Variants in MTREX observed in about 807,000 individuals in gnomAD.
MTREX encodes exosome RNA helicase MTR4.
Under a neutral mutation model 135.4 loss-of-function variants are expected in MTREX, and 76 were observed. The ratio of observed to expected loss-of-function variants is 0.56; its 90% CI spans 0.47 to 0.68. The LOEUF is 0.68. Ranked by LOEUF, MTREX falls within the 30% of genes least tolerant of loss-of-function variation. The probability of loss-of-function intolerance (pLI) is 0.00; values close to 1 mark genes in which losing one functional copy is unlikely to be tolerated. For synonymous variants in MTREX, 404 were observed against 401.6 expected (o/e 1.01, Z -0.07); for missense variants, 920 against 1,262.1 (o/e 0.73, Z 4.11).
At chr5:55,324,109 A>G (rs1749330676) in intron 2 of MTREX, 23 bp from the exon 3 acceptor site, 1 of 1,578,212 alleles carries the variant, frequency 6.3e-7, no homozygotes, top group African/African-American at 1.4e-5. Flanking sequence ...GTTTTTGTGT[A>G]ACTTTAAACA....
At chr5:55,410,985 G>C (rs754831771) in intron 23 of MTREX, among the ~76,000 whole-genome samples, 10 of 152,194 alleles carry the variant, frequency 6.6e-5, no homozygotes, top group Non-Finnish European at 1.2e-4. Flanking sequence ...AGGGGGAAGT[G>C]AGGTTGAATT....
At chr5:55,359,489 TATAGTC>T (rs1749974368) in intron 15 of MTREX, among the ~76,000 whole-genome samples, 1 of 152,186 alleles carries the variant, frequency 6.6e-6, no homozygotes, top group Non-Finnish European at 1.5e-5. Context: ...GAATTTGAGA[TATAGTC>T]ATAATGAAGC....
chr5:55,406,351 C>T (rs1234103425), intron 22 of MTREX, among the ~76,000 whole-genome samples: 2 of 152,182 alleles, frequency 1.3e-5, no homozygotes, highest in African/African-American at 4.8e-5. Context: ...GGACCTCTCT[C>T]TCTCTGTTAG....
intron 19 of MTREX, among the ~76,000 whole-genome samples, chr5:55,395,251 T>C (rs1750629016): frequency 1.3e-5 from 2 of 149,976 alleles, no homozygotes; most frequent in African/African-American, 2.5e-5. Flanking sequence ...ACTAAAAATA[T>C]AAAAATTAGT....
intron 13 of MTREX, among the ~76,000 whole-genome samples, chr5:55,352,853 G>C (rs1210247849): frequency 6.6e-6 from 1 of 152,132 alleles, no homozygotes. Context: ...AAATGTGTTC[G>C]TGTTTAGAAA....
At chr5:55,411,623 A>G (rs948399581) in intron 23 of MTREX, among the ~76,000 whole-genome samples, 5 of 152,158 alleles carry the variant, frequency 3.3e-5, no homozygotes, top group Non-Finnish European at 7.4e-5. Context: ...GTCCCTGATT[A>G]CTGATTAGAA....
chr5:55,377,125 C>T (rs765208741), intron 16 of MTREX, among the ~76,000 whole-genome samples: 4 of 151,826 alleles, frequency 2.6e-5, no homozygotes, highest in Non-Finnish European at 5.9e-5. Context: ...GTCAGGAGAT[C>T]GAGACCATCC....
chr5:55,378,613 C>A, intron 17 of MTREX, 127 bp downstream of exon 17: 1 of 1,106,654 alleles, frequency 9.0e-7, no homozygotes, highest in Non-Finnish European at 1.2e-6. Flanking sequence ...CTATATTAAT[C>A]ATATTATTTT....
chr5:55,398,823 A>T (rs1651868505), intron 20 of MTREX, among the ~76,000 whole-genome samples: 1 of 152,154 alleles, frequency 6.6e-6, no homozygotes, highest in African/African-American at 2.4e-5. Flanking sequence ...CATTAATTTC[A>T]TGATAATCTG....
At position 55,425,037 on chromosome 5, in the gene MTREX, A is replaced by G. The variant is rs1232190862; in HGVS notation, c.*265A>G. 5 of 924,218 alleles carry G rather than the reference A, an allele frequency of 5.4e-6. No individual in the cohort carries two copies. In the Admixed American group the frequency reaches 1.2e-4, roughly 23 times the overall value. The allele number at this position is 924,218 out of a possible 1,614,324, so 57.3% of individuals were successfully genotyped here. On this transcript the variant is annotated 3_prime_UTR_variant, in exon 27 of 27. Transcript: ENST00000230640. ...ATGAGTTTAGAGCTATTAGATAACC[A>G]CTGAGTTAAAGGTAACTATGTACAC...
intron 25 of MTREX, among the ~76,000 whole-genome samples, chr5:55,420,503 C>G (rs539496095): frequency 6.6e-6 from 1 of 152,232 alleles, no homozygotes; most frequent in Non-Finnish European, 1.5e-5. Context: ...CAAGGTGTTC[C>G]ATTGTAATAA....
At chr5:55,309,024 G>T (rs546232078) in intron 1 of MTREX, among the ~76,000 whole-genome samples, 1 of 152,242 alleles carries the variant, frequency 6.6e-6, no homozygotes, top group East Asian at 1.9e-4. Context: ...AACTTAAAAT[G>T]AATGATATAT....
intron 5 of MTREX, among the ~76,000 whole-genome samples, 197 bp downstream of exon 5, chr5:55,329,008 A>G (rs1348557516): frequency 1.3e-5 from 2 of 152,284 alleles, no homozygotes; most frequent in Admixed American, 6.5e-5. Context: ...TGTTCCTCAT[A>G]TTAGGAGAAA....
In MTREX at chr5:55,424,879, T is replaced by C; in HGVS notation, c.*107T>C. The C allele has an allele frequency of 1.3e-6, 1 of 747,354 alleles. No homozygotes were observed. The highest frequency in any genetic ancestry group is 2.7e-5 in the East Asian group (1 of 37,504). The allele number at this position is 747,354 out of a possible 1,614,324, so 46.3% of individuals were successfully genotyped here. A position where few individuals can be genotyped will look rare whatever the true frequency, so the allele number is the denominator to read the frequency against. On this transcript the variant is annotated 3_prime_UTR_variant, in exon 27 of 27. Transcript: ENST00000230640. ...TTTGGTTCTCCCATACATTTTAATA[T>C]GTATTATATTTAAATCAAACATCAT...
chr5:55,400,562 G>A (rs770391421), intron 21 of MTREX, 141 bp downstream of exon 21: 71 of 564,690 alleles, frequency 1.3e-4, no homozygotes, highest in Non-Finnish European at 2.2e-4. Context: ...TGTCAGCTCT[G>A]AACCTGTCAG....
In MTREX at chr5:55,353,221, T is replaced by G. The variant is rs1561194954; in HGVS notation, c.1485T>G (p.Thr495=). 1 of 1,610,816 alleles carries G rather than the reference T, an allele frequency of 6.2e-7. No individual in the cohort carries two copies. ...FAMGINMPAR[T]VLFTNARKFD... is the part of the protein sequence containing the mutation. ...TGGGAATTAACATGCCAGCTAGAAC[T>G]GTTTTATTTACAAATGCCCGCAAAT... is the stretch of plus-strand genomic sequence containing the variant. Residue 495 remains threonine (T), a synonymous_variant, in exon 14 of 27, where the codon ACT becomes ACG. Coordinates refer to ENST00000230640, the MANE Select transcript of MTREX (RefSeq NM_015360.5).
At chr5:55,387,739 G>A (rs1750501195) in intron 18 of MTREX, among the ~76,000 whole-genome samples, 9 of 152,042 alleles carry the variant, frequency 5.9e-5, no homozygotes, top group Admixed American at 5.9e-4. Flanking sequence ...ACTTGACAGT[G>A]CTTGTACTAT....
chr5:55,407,729 A>G (rs1750828697), intron 22 of MTREX, among the ~76,000 whole-genome samples: 1 of 151,924 alleles, frequency 6.6e-6, no homozygotes, highest in South Asian at 2.1e-4. Flanking sequence ...GAGTTTTCAA[A>G]ACCCAAAGCA....
At chr5:55,347,805 C>A (rs904455181) in intron 11 of MTREX, among the ~76,000 whole-genome samples, 1 of 152,154 alleles carries the variant, frequency 6.6e-6, no homozygotes, top group East Asian at 1.9e-4. Context: ...AATGGACTCA[C>A]AGTTCCACGT....
Sources: allele counts gnomAD v4.1 joint callset (sites outside exome capture counted in the v4.1 genomes callset), GRCh38; gene constraint gnomAD v4.1.1; transcripts MANE v1.5; gene names NCBI Gene and HGNC (gene_info 2026-07-23, HGNC 2026-07-21).